Variants in ZCCHC24 observed in about 807,000 individuals in gnomAD.
ZCCHC24 encodes zinc finger CCHC domain-containing protein 24.
In ZCCHC24, 10 loss-of-function variants were observed where a neutral mutation model predicts 26.2. The observed-to-expected ratio is 0.38, with a 90% CI of 0.24 to 0.65. The LOEUF (loss-of-function observed/expected upper bound fraction) is 0.65. ZCCHC24 is among the 30% of genes least tolerant of loss of function. The pLI is 0.54. For missense variants in ZCCHC24, 243 were observed against 329.1 expected (o/e 0.74, Z 2.03); for synonymous variants, 144 against 147.1 (o/e 0.98, Z 0.15).
chr10:79,394,469 T>C (rs374765207), intron 2 of ZCCHC24, 29 bp from the exon 3 acceptor site: 19 of 1,606,428 alleles, frequency 1.2e-5, no homozygotes, highest in Non-Finnish European at 1.4e-5. Flanking sequence ...ACACAGGGGA[T>C]TGGAGTCCAA....
chr10:79,441,329 C>T (rs773144197), intron 1 of ZCCHC24, among the ~76,000 whole-genome samples: 1 of 152,110 alleles, frequency 6.6e-6, no homozygotes, highest in Non-Finnish European at 1.5e-5. Context: ...ATGTACTCCT[C>T]TAAGGGTTTT....
intron 2 of ZCCHC24, among the ~76,000 whole-genome samples, chr10:79,404,212 G>A (rs1564634013): frequency 6.6e-6 from 1 of 152,192 alleles, no homozygotes; most frequent in Non-Finnish European, 1.5e-5. Context: ...CCTGTGCCCG[G>A]CCCTGAGGCG....
intron 2 of ZCCHC24, among the ~76,000 whole-genome samples, chr10:79,397,576 C>T (rs1440996963): frequency 6.6e-6 from 1 of 152,196 alleles, no homozygotes; most frequent in African/African-American, 2.4e-5. Context: ...CTCACTCCCC[C>T]ATGTCTCCCC....
intron 2 of ZCCHC24, among the ~76,000 whole-genome samples, chr10:79,416,796 C>T (rs1380777593): frequency 6.6e-6 from 1 of 152,168 alleles, no homozygotes; most frequent in Non-Finnish European, 1.5e-5. Context: ...CAGTTTCCTC[C>T]TCTGTGCAAT....
intron 1 of ZCCHC24, among the ~76,000 whole-genome samples, chr10:79,434,086 A>T (rs1458112715): frequency 6.6e-6 from 1 of 152,236 alleles, no homozygotes; most frequent in Non-Finnish European, 1.5e-5. Flanking sequence ...CTCAGGACAC[A>T]CGGCTGTGTG....
At chr10:79,398,007 G>A (rs1185499815) in intron 2 of ZCCHC24, among the ~76,000 whole-genome samples, 2 of 152,224 alleles carry the variant, frequency 1.3e-5, no homozygotes, top group Non-Finnish European at 2.9e-5. Flanking sequence ...GGTGAGCCAG[G>A]AAGCACAGAC....
intron 2 of ZCCHC24, among the ~76,000 whole-genome samples, chr10:79,402,493 T>G (rs1856647388): frequency 6.6e-6 from 1 of 152,186 alleles, no homozygotes; most frequent in African/African-American, 2.4e-5. Flanking sequence ...GCCAGGATGG[T>G]TTCGATCTCC....
rs1420669195 is a variant in ZCCHC24 at position 79,434,688 on chromosome 10, C to T, written c.247-1930G>A. Among the ~76,000 whole-genome samples the T allele has an allele frequency of 5.9e-5, 9 of 152,204 alleles. No homozygotes were observed. The East Asian group carries it at 1.3e-3, about 23-fold the overall frequency. On this transcript the variant is annotated intron_variant, in intron 1 of 3. Transcript: ENST00000372336. ...CCCACCTCAGACCTACCAAAGCAGC[C>T]ACCTGGAATCGAGGGCCCGAAATCT...
intron 3 of ZCCHC24, among the ~76,000 whole-genome samples, chr10:79,387,027 A>G (rs1317831226): frequency 2.6e-5 from 4 of 152,014 alleles, no homozygotes; most frequent in African/African-American, 4.8e-5. Context: ...TGGCCTCAGA[A>G]CTCAAGGGAA....
At chr10:79,421,057 C>T (rs1049833505) in intron 2 of ZCCHC24, among the ~76,000 whole-genome samples, 4 of 152,258 alleles carry the variant, frequency 2.6e-5, no homozygotes, top group South Asian at 2.1e-4. Flanking sequence ...GGGCTGTGCT[C>T]GAAGGCACCT....
chr10:79,423,580 A>T (rs11002972), intron 2 of ZCCHC24, among the ~76,000 whole-genome samples: 2 of 28,354 alleles, frequency 7.1e-5, no homozygotes, highest in African/African-American at 3.2e-4. Flanking sequence ...AAATATATAT[A>T]CTATATATAT....
intron 2 of ZCCHC24, 31 bp from the exon 3 acceptor site, chr10:79,394,471 G>A (rs1412923620): frequency 9.3e-6 from 15 of 1,604,758 alleles, no homozygotes; most frequent in Non-Finnish European, 1.2e-5. Flanking sequence ...ACAGGGGATT[G>A]GAGTCCAAAG....
chr10:79,422,817 C>T lies in ZCCHC24; in HGVS notation c.447+9741G>A, dbSNP rs572460750. On this transcript the variant is annotated intron_variant, in intron 2 of 3. Coordinates refer to ENST00000372336, the MANE Select transcript of ZCCHC24 (RefSeq NM_153367.4). ...CAGGTGACAACACCCCTCAGACCTC[C>T]CTCAAAGGAGTAATGAGTACCACTA... Among the ~76,000 whole-genome samples the T allele has an allele frequency of 2.4e-4, 36 of 152,298 alleles. 1 individual carries two copies. The South Asian group carries it at 7.3e-3, about 31-fold the overall frequency.
rs2132167366 is a variant in ZCCHC24 at position 79,382,888 on chromosome 10, G to A, written c.*3457C>T. 1 of 152,702 alleles carries A rather than the reference G, an allele frequency of 6.5e-6. No individual in the cohort carries two copies. The highest frequency in any genetic ancestry group is 6.5e-5 in the Admixed American group (1 of 15,296). The allele number at this position is 152,702 out of a possible 1,614,324, so 9.5% of individuals were successfully genotyped here. A position where few individuals can be genotyped will look rare whatever the true frequency, so the allele number is the denominator to read the frequency against. On this transcript the variant is annotated 3_prime_UTR_variant, in exon 4 of 4. Transcript: ENST00000372336. ...TGCCCCACTTCTTCTTCCCTCCTGG[G>A]GCCCTGCTGATTGAGAGCCCTCCCA...
In ZCCHC24 at chr10:79,445,500, G is replaced by C. The variant is rs550239826; in HGVS notation, c.-60C>G. ...CCGCTCGCGGCCCCCCTCCGCAGCGGAGGGGCGGGCACCGGGGAGCCTGTG... is the reference window on the plus strand; with the variant it reads ...CCGCTCGCGGCCCCCCTCCGCAGCGCAGGGGCGGGCACCGGGGAGCCTGTG... On this transcript the variant is annotated 5_prime_UTR_variant, in exon 1 of 4. Transcript: ENST00000372336. 2,447 of 1,281,138 alleles carry C rather than the reference G, an allele frequency of 1.9e-3. 2 individuals are homozygous for C. The highest frequency in any genetic ancestry group is 2.0e-3 in the Non-Finnish European group (2,022 of 1,010,160). 79.4% of individuals were successfully genotyped at this position (1,281,138 alleles called of 1,614,324 possible). A position where few individuals can be genotyped will look rare whatever the true frequency, so the allele number is the denominator to read the frequency against.
intron 2 of ZCCHC24, among the ~76,000 whole-genome samples, chr10:79,428,394 TTCAGTTTTGCAAGATAA>T (rs2132213546): frequency 4.5e-5 from 2 of 44,418 alleles, no homozygotes; most frequent in East Asian, 4.0e-4. Flanking sequence ...GGTACAGTAT[TTCAGTTTTGCAAGATAA>T]ATTTCAGTTT....
intron 2 of ZCCHC24, among the ~76,000 whole-genome samples, chr10:79,398,634 A>G (rs1222296243): frequency 6.6e-6 from 1 of 152,188 alleles, no homozygotes; most frequent in Non-Finnish European, 1.5e-5. Flanking sequence ...AAGCAAAAGA[A>G]GAAACAGCAT....
At chr10:79,395,915 T>C (rs922665474) in intron 2 of ZCCHC24, among the ~76,000 whole-genome samples, 2 of 152,198 alleles carry the variant, frequency 1.3e-5, no homozygotes, top group Non-Finnish European at 2.9e-5. Context: ...TCACAGAGTA[T>C]ACAGTCATCA....
intron 2 of ZCCHC24, among the ~76,000 whole-genome samples, chr10:79,428,560 G>C (rs142496998): frequency 6.6e-6 from 1 of 151,940 alleles, no homozygotes; most frequent in South Asian, 2.1e-4. Context: ...GCCACGAACC[G>C]TAAGCTAAAA....
Sources: allele counts gnomAD v4.1 joint callset (sites outside exome capture counted in the v4.1 genomes callset), GRCh38; gene constraint gnomAD v4.1.1; transcripts MANE v1.5; gene names NCBI Gene and HGNC (gene_info 2026-07-23, HGNC 2026-07-21).